VGLL4: variants seen among roughly 807,000 people sequenced by gnomAD.
VGLL4 encodes transcription cofactor vestigial-like protein 4.
In VGLL4, 7 loss-of-function variants were observed where a neutral mutation model predicts 21.0. That is an observed-to-expected ratio of 0.33 (90% CI 0.19 to 0.63). The LOEUF (loss-of-function observed/expected upper bound fraction) is 0.63, where lower values mean the gene tolerates loss of function less well. Ranked by LOEUF, VGLL4 falls within the 20% of genes least tolerant of loss-of-function variation. VGLL4 has a pLI of 0.78. For synonymous variants in VGLL4, 222 were observed against 173.2 expected, an observed-to-expected ratio of 1.28 and a Z score of -2.21; for missense variants, 394 against 425.7, an observed-to-expected ratio of 0.93 and a Z score of 0.66.
In VGLL4 at chr3:11,556,182, A is replaced by G. The variant is rs779079754; in HGVS notation, c.*2374T>C. On this transcript the variant is annotated 3_prime_UTR_variant, in exon 5 of 5. Coordinates refer to ENST00000430365, the MANE Select transcript of VGLL4 (RefSeq NM_001128219.3). ...GGAAAAACAGGCCACAGAGAATGGT[A>G]TATTACAGATTTACACACATGAAGA... 2.0e-5 allele frequency: 3 copies of G among 152,572 alleles called. No individual in the cohort carries two copies. The highest frequency in any genetic ancestry group is 2.9e-5 in the Non-Finnish European group (2 of 68,004). The allele number at this position is 152,572 out of a possible 1,614,324, so 9.5% of individuals were successfully genotyped here.
At chr3:11,577,244 T>C (rs2074080665) in intron 2 of VGLL4, among the ~76,000 whole-genome samples, 1 of 152,222 alleles carries the variant, frequency 6.6e-6, no homozygotes. Flanking sequence ...TCAAATTCTT[T>C]TGAAGGCTCA....
chr3:11,562,222 C>T (rs1280739991), intron 3 of VGLL4, among the ~76,000 whole-genome samples: 1 of 152,148 alleles, frequency 6.6e-6, no homozygotes, highest in Non-Finnish European at 1.5e-5. Context: ...TTAACCCCAT[C>T]TTGCCTCTCC....
intron 1 of VGLL4, among the ~76,000 whole-genome samples, chr3:11,635,941 A>T (rs1439512432): frequency 6.6e-6 from 1 of 152,258 alleles, no homozygotes; most frequent in Non-Finnish European, 1.5e-5. Context: ...ATAACTTTTC[A>T]GCAGGAAAAT....
intron 2 of VGLL4, among the ~76,000 whole-genome samples, chr3:11,683,421 C>T (rs552522555): frequency 6.6e-6 from 1 of 152,274 alleles, no homozygotes; most frequent in African/African-American, 2.4e-5. Context: ...ATCCAGCAAT[C>T]CCACTACTGG....
At chr3:11,569,721 A>G (rs749097707) in intron 2 of VGLL4, among the ~76,000 whole-genome samples, 2 of 152,178 alleles carry the variant, frequency 1.3e-5, no homozygotes, top group Non-Finnish European at 2.9e-5. Context: ...TTAACACATC[A>G]TAATGAGACT....
intron 1 of VGLL4, among the ~76,000 whole-genome samples, chr3:11,703,260 C>A (rs996650228): frequency 6.6e-6 from 1 of 152,176 alleles, no homozygotes; most frequent in East Asian, 1.9e-4. Context: ...ACTTTGCCAA[C>A]TACAGGAAGC....
intron 1 of VGLL4, among the ~76,000 whole-genome samples, chr3:11,708,644 G>A (rs2076795500): frequency 1.3e-5 from 2 of 152,208 alleles, no homozygotes. Context: ...TCCTTTATGA[G>A]CCACAAATTA....
intron 2 of VGLL4, among the ~76,000 whole-genome samples, chr3:11,683,990 C>G (rs971013218): frequency 3.3e-5 from 5 of 152,100 alleles, no homozygotes; most frequent in Non-Finnish European, 5.9e-5. Flanking sequence ...GCGGGTGGAT[C>G]ACTTGAGGTT....
chr3:11,644,323 A>G (rs931625249), upstream of VGLL4, among the ~76,000 whole-genome samples: 3 of 152,104 alleles, frequency 2.0e-5, no homozygotes, highest in African/African-American at 7.2e-5. Flanking sequence ...TCTTTTAAAG[A>G]TTGTTTTATA....
intron 1 of VGLL4, among the ~76,000 whole-genome samples, chr3:11,603,125 G>T (rs115576140): frequency 6.6e-6 from 1 of 152,166 alleles, no homozygotes; most frequent in Non-Finnish European, 1.5e-5. Flanking sequence ...CAGATGTGTG[G>T]ACAGTGTTAA....
intron 2 of VGLL4, among the ~76,000 whole-genome samples, chr3:11,651,841 T>A (rs1173342932): frequency 6.6e-6 from 1 of 152,162 alleles, no homozygotes; most frequent in Non-Finnish European, 1.5e-5. Flanking sequence ...AAATATATCA[T>A]AAAATAGTGA....
chr3:11,602,528 T>G (rs2074831737), intron 1 of VGLL4, among the ~76,000 whole-genome samples: 2 of 152,176 alleles, frequency 1.3e-5, no homozygotes, highest in Admixed American at 6.5e-5. Context: ...GTTCACACAT[T>G]TGTACCGAAA....
At chr3:11,648,429 T>C (rs570687335), upstream of VGLL4, among the ~76,000 whole-genome samples, 1 of 152,298 alleles carries the variant, frequency 6.6e-6, no homozygotes, top group South Asian at 2.1e-4. Context: ...CTGCAAAAAC[T>C]TACAAAACTA....
At chr3:11,615,703 C>A (rs936209876) in intron 1 of VGLL4, among the ~76,000 whole-genome samples, 28 of 152,294 alleles carry the variant, frequency 1.8e-4, no homozygotes, top group African/African-American at 6.7e-4. Flanking sequence ...TTATTACACA[C>A]CTTTAATTTG....
intron 1 of VGLL4, chr3:11,703,121 A>T (rs1046836035): frequency 7.7e-7 from 1 of 1,296,040 alleles, no homozygotes; most frequent in East Asian, 2.6e-5. Flanking sequence ...CTAGTCATTA[A>T]CAGAATGAGT....
intron 3 of VGLL4, among the ~76,000 whole-genome samples, chr3:11,559,737 A>C (rs2072797662): frequency 6.6e-6 from 1 of 152,192 alleles, no homozygotes; most frequent in Non-Finnish European, 1.5e-5. Context: ...CCCATCTCTC[A>C]AATCTGTTAA....
At chr3:11,589,085 A>G (rs1244737205) in intron 2 of VGLL4, among the ~76,000 whole-genome samples, 2 of 152,202 alleles carry the variant, frequency 1.3e-5, no homozygotes, top group East Asian at 3.9e-4. Flanking sequence ...GGCCACAGGA[A>G]GCAGGGGAGG....
intron 1 of VGLL4, among the ~76,000 whole-genome samples, chr3:11,622,534 C>T (rs2075282228): frequency 6.6e-6 from 1 of 152,146 alleles, no homozygotes; most frequent in South Asian, 2.1e-4. Flanking sequence ...TGCTAGAATG[C>T]TCCTCAATTG....
chr3:11,582,286 C>G, intron 2 of VGLL4: 1 of 1,605,546 alleles, frequency 6.2e-7, no homozygotes, highest in Non-Finnish European at 8.5e-7. Flanking sequence ...TGGTACTAAC[C>G]TCACTTTAAT....
Sources: allele counts gnomAD v4.1 joint callset (sites outside exome capture counted in the v4.1 genomes callset), GRCh38; gene constraint gnomAD v4.1.1; transcripts MANE v1.5; gene names NCBI Gene and HGNC (gene_info 2026-07-23, HGNC 2026-07-21).